VTI1A: variants seen among roughly 807,000 people sequenced by gnomAD.
The protein encoded by VTI1A is vesicle transport through interaction with t-SNAREs homolog 1A.
VTI1A carries 22 observed loss-of-function variants against 34.9 expected under a neutral mutation model. That is an observed-to-expected ratio of 0.63 (90% CI 0.45 to 0.90). The LOEUF (loss-of-function observed/expected upper bound fraction) is 0.90, where lower values mean the gene tolerates loss of function less well. VTI1A is among the 40% of genes least tolerant of loss of function. VTI1A has a pLI of 0.00. For missense variants in VTI1A, 268 were observed against 275.6 expected, an observed-to-expected ratio of 0.97 and a Z score of 0.20; for synonymous variants, 87 against 97.3, an observed-to-expected ratio of 0.89 and a Z score of 0.62.
chr10:112,746,614 G>C (rs1362699832), intron 7 of VTI1A, among the ~76,000 whole-genome samples: 2 of 148,628 alleles, frequency 1.3e-5, no homozygotes, highest in African/African-American at 4.8e-5. Flanking sequence ...GTTTTTCCAC[G>C]CTAACAAGCG....
chr10:112,728,243 A>G (rs1850115514), intron 7 of VTI1A, among the ~76,000 whole-genome samples: 1 of 151,634 alleles, frequency 6.6e-6, no homozygotes, highest in South Asian at 2.1e-4. Context: ...AAAGTAAAAG[A>G]AGAAAAATTG....
At chr10:112,749,923 A>G (rs1379140305) in intron 7 of VTI1A, among the ~76,000 whole-genome samples, 1 of 152,244 alleles carries the variant, frequency 6.6e-6, no homozygotes, top group East Asian at 1.9e-4. Context: ...CCATGCACAC[A>G]TATATGCAGT....
At chr10:112,560,989 G>A (rs772472346) in intron 5 of VTI1A, among the ~76,000 whole-genome samples, 3 of 151,998 alleles carry the variant, frequency 2.0e-5, no homozygotes, top group African/African-American at 7.3e-5. Context: ...AGAAGATTTC[G>A]TGTGGTTTTA....
downstream of VTI1A, among the ~76,000 whole-genome samples, chr10:112,822,843 A>T (rs529092773): frequency 5.1e-4 from 77 of 152,282 alleles, 2 homozygotes; most frequent in South Asian, 0.011. Flanking sequence ...CATTCATTCA[A>T]TCAATATTTA....
chr10:112,615,297 A>G (rs1374364686), intron 5 of VTI1A, among the ~76,000 whole-genome samples: 1 of 152,244 alleles, frequency 6.6e-6, no homozygotes, highest in Non-Finnish European at 1.5e-5. Flanking sequence ...AGAGATTTCC[A>G]TCTGGAAAAC....
In VTI1A at chr10:112,739,470, G is replaced by T. The variant is rs76025185; in HGVS notation, c.560+70472G>T. On this transcript the variant is annotated intron_variant, in intron 7 of 7. Transcript: ENST00000393077. Reference sequence around the variant, plus strand: ...CAGCTTAAAAAACCATATGGCCCCAGATTCTTCAATGCCACAGCTATGGTG... The same window carrying T: ...CAGCTTAAAAAACCATATGGCCCCATATTCTTCAATGCCACAGCTATGGTG... Among the ~76,000 whole-genome samples the T allele has an allele frequency of 2.4e-4, 37 of 152,314 alleles. No homozygotes were observed. The East Asian group carries it at 6.9e-3, about 29-fold the overall frequency.
intron 7 of VTI1A, among the ~76,000 whole-genome samples, chr10:112,736,109 GTGTA>G (rs1411736025): frequency 1.0e-4 from 12 of 116,864 alleles, no homozygotes; most frequent in East Asian, 2.5e-4. Context: ...ATATGTGTGT[GTGTA>G]TATATATATA....
chr10:112,754,087 A>G (rs1357126088), intron 7 of VTI1A, among the ~76,000 whole-genome samples: 1 of 152,174 alleles, frequency 6.6e-6, no homozygotes. Context: ...GGGACATTGC[A>G]CTCTGCAAAA....
chr10:112,524,136 G>C (rs888625659), intron 3 of VTI1A, among the ~76,000 whole-genome samples: 4 of 151,636 alleles, frequency 2.6e-5, no homozygotes, highest in South Asian at 2.1e-4. Flanking sequence ...CCCCTTTTTT[G>C]GTATTCAGTT....
intron 5 of VTI1A, among the ~76,000 whole-genome samples, chr10:112,652,045 G>A (rs574750023): frequency 6.6e-6 from 1 of 152,174 alleles, no homozygotes; most frequent in Non-Finnish European, 1.5e-5. Context: ...GAATTCTATA[G>A]TGATGGAGAT....
chr10:112,843,074 G>A, the VTI1A span, among the ~76,000 whole-genome samples: 2 of 152,334 alleles, frequency 1.3e-5, no homozygotes, highest in Non-Finnish European at 2.9e-5. Flanking sequence ...CAGAGCATGC[G>A]ATTCTCAAGG....
chr10:112,490,323 C>T (rs190326266), intron 3 of VTI1A, among the ~76,000 whole-genome samples: 60 of 152,232 alleles, frequency 3.9e-4, no homozygotes, highest in African/African-American at 1.3e-3. Context: ...TTTGGCTCAC[C>T]GGTTGGTTTA....
intron 5 of VTI1A, among the ~76,000 whole-genome samples, chr10:112,561,168 G>A (rs556213864): frequency 6.6e-6 from 1 of 152,308 alleles, no homozygotes; most frequent in South Asian, 2.1e-4. Flanking sequence ...CTGCAAACTA[G>A]TGTATACTCA....
At chr10:112,507,872 G>A (rs1488673144) in intron 3 of VTI1A, among the ~76,000 whole-genome samples, 1 of 152,152 alleles carries the variant, frequency 6.6e-6, no homozygotes, top group South Asian at 2.1e-4. Flanking sequence ...TTCTTACTTA[G>A]ATCTGTGGAG....
chr10:112,563,394 T>A (rs942175469), intron 5 of VTI1A, among the ~76,000 whole-genome samples: 1 of 152,204 alleles, frequency 6.6e-6, no homozygotes, highest in South Asian at 2.1e-4. Flanking sequence ...AAGAATTTTG[T>A]GAATTTTTTT....
At chr10:112,693,240 A>G (rs1321302185) in intron 7 of VTI1A, among the ~76,000 whole-genome samples, 2 of 152,222 alleles carry the variant, frequency 1.3e-5, no homozygotes, top group Non-Finnish European at 2.9e-5. Flanking sequence ...AAATTTGTAA[A>G]TAATTCTTTA....
intron 5 of VTI1A, among the ~76,000 whole-genome samples, chr10:112,588,747 G>A (rs1175403366): frequency 6.6e-6 from 1 of 152,128 alleles, no homozygotes; most frequent in East Asian, 1.9e-4. Context: ...TCATTGTGTG[G>A]GACTTTAATG....
chr10:112,775,437 C>T (rs905924009), intron 7 of VTI1A, among the ~76,000 whole-genome samples: 2 of 152,184 alleles, frequency 1.3e-5, no homozygotes, highest in Non-Finnish European at 2.9e-5. Flanking sequence ...AAGTAAGGAA[C>T]CATCCTAGAA....
At chr10:112,567,401 CT>C (rs1215755693) in intron 5 of VTI1A, among the ~76,000 whole-genome samples, 2 of 152,024 alleles carry the variant, frequency 1.3e-5, no homozygotes, top group African/African-American at 2.4e-5. Context: ...AATGACAGTT[CT>C]TTTTTTATGA....
Sources: allele counts gnomAD v4.1 joint callset (sites outside exome capture counted in the v4.1 genomes callset), GRCh38; gene constraint gnomAD v4.1.1; transcripts MANE v1.5; gene names NCBI Gene and HGNC (gene_info 2026-07-23, HGNC 2026-07-21).